Variants in CBLB observed in about 807,000 individuals in gnomAD.
CBLB encodes E3 ubiquitin-protein ligase CBL-B.
CBLB carries 31 observed loss-of-function variants against 104.9 expected under a neutral mutation model. That is an observed-to-expected ratio of 0.30 (90% confidence interval 0.22 to 0.40). CBLB has a LOEUF of 0.40. CBLB is among the 10% of genes least tolerant of loss of function. CBLB has a pLI of 1.00. For synonymous variants in CBLB, 440 were observed against 422.6 expected (o/e 1.04, Z -0.51); for missense variants, 1,062 against 1,214.6 (o/e 0.87, Z 1.87).
At chr3:105,800,679 AC>A (rs564711579) in intron 3 of CBLB, among the ~76,000 whole-genome samples, 2,340 of 151,216 alleles carry the variant, frequency 0.015, 33 homozygotes, top group Middle Eastern at 0.027. Flanking sequence ...ATATACACAA[AC>A]CCCCCCACCC....
In CBLB at chr3:105,828,530, G is replaced by A. The variant is rs572912475; in HGVS notation, c.419+24884C>T. ...TATTAAGATAGACGCCAAAATACTT[G>A]AAAGTTAAGATTATATGAAATACTA... On this transcript the variant is annotated intron_variant, in intron 3 of 18. Transcript: ENST00000394030. Among the ~76,000 whole-genome samples, 9 of 152,184 alleles carry A rather than the reference G, an allele frequency of 5.9e-5. No individual in the cohort carries two copies. The East Asian group carries it at 1.5e-3, about 26-fold the overall frequency.
At position 105,681,495 on chromosome 3, in the gene CBLB, A is replaced by C; in HGVS notation, c.2412T>G (p.Leu804=). The part of the protein sequence containing the change: ...SLNRTPSDYD[L]LIPPLGEDAF... Reference sequence around the variant, plus strand: ...GGTTTCAACCTAATGGAGGGATGAGAAGATCATAATCAGAGGGCGTCCTGT... The same window carrying C: ...GGTTTCAACCTAATGGAGGGATGAGCAGATCATAATCAGAGGGCGTCCTGT... Residue 804 remains leucine (L), a synonymous_variant, in exon 16 of 19, where the codon CTT becomes CTG. Transcript: ENST00000394030. 6.2e-7 allele frequency: 1 copy of C among 1,614,100 alleles called. No individual in the cohort carries two copies. The highest frequency in any genetic ancestry group is 8.5e-7 in the Non-Finnish European group (1 of 1,179,980).
intron 2 of CBLB, among the ~76,000 whole-genome samples, chr3:105,855,253 G>A (rs1046208535): frequency 6.6e-6 from 1 of 152,188 alleles, no homozygotes; most frequent in Non-Finnish European, 1.5e-5. Context: ...TGGGCCCCAG[G>A]GATGGGGAGG....
chr3:105,711,742 C>T (rs75906502), intron 10 of CBLB, among the ~76,000 whole-genome samples: 2 of 151,728 alleles, frequency 1.3e-5, no homozygotes, highest in Admixed American at 1.3e-4. Flanking sequence ...ATTTTTTTTT[C>T]TACTTCTTAA....
chr3:105,732,508 T>C (rs983827938), intron 9 of CBLB, among the ~76,000 whole-genome samples: 28 of 152,070 alleles, frequency 1.8e-4, no homozygotes, highest in African/African-American at 5.3e-4. Context: ...AAGAGAAGTA[T>C]AGGGATTTTG....
At chr3:105,723,381 T>G (rs752673604) in intron 9 of CBLB, among the ~76,000 whole-genome samples, 1 of 152,162 alleles carries the variant, frequency 6.6e-6, no homozygotes, top group Admixed American at 6.5e-5. Flanking sequence ...ACTCCGTCTA[T>G]TCTAAATGAC....
At chr3:105,678,714 G>C (rs1023214448) in intron 16 of CBLB, 143 bp from the exon 17 acceptor site, 61 of 884,564 alleles carry the variant, frequency 6.9e-5, no homozygotes, top group Admixed American at 2.6e-4. Context: ...CACCAACTTT[G>C]ATAATGGGAT....
At chr3:105,788,465 T>G (rs984787740) in intron 3 of CBLB, among the ~76,000 whole-genome samples, 5 of 152,026 alleles carry the variant, frequency 3.3e-5, no homozygotes, top group Admixed American at 6.6e-5. Context: ...AAAAAAAATC[T>G]CATAATGTTT....
chr3:105,799,722 A>G (rs751952483), intron 3 of CBLB, among the ~76,000 whole-genome samples: 122 of 152,246 alleles, frequency 8.0e-4, no homozygotes, highest in Non-Finnish European at 1.4e-3. Flanking sequence ...GGCATTTACA[A>G]TTCCTGCTAT....
At chr3:105,864,565 T>C (rs2092314826) in intron 2 of CBLB, among the ~76,000 whole-genome samples, 1 of 152,198 alleles carries the variant, frequency 6.6e-6, no homozygotes, top group Non-Finnish European at 1.5e-5. Flanking sequence ...TGGGATGTTT[T>C]GGGATATGCT....
chr3:105,681,376 C>T, intron 16 of CBLB, 103 bp downstream of exon 16: 1 of 1,256,490 alleles, frequency 8.0e-7, no homozygotes, highest in Non-Finnish European at 1.1e-6. Flanking sequence ...CAGGCAAATT[C>T]ACAACCCAGT....
intron 1 of CBLB, among the ~76,000 whole-genome samples, chr3:105,868,016 CTTACGCA>C (rs1370813548): frequency 6.6e-6 from 1 of 152,098 alleles, no homozygotes; most frequent in Non-Finnish European, 1.5e-5. Context: ...TTTTGGGAGC[CTTACGCA>C]GAAACTTCAC....
chr3:105,851,790 G>C (rs979107004), intron 3 of CBLB, among the ~76,000 whole-genome samples: 1 of 152,108 alleles, frequency 6.6e-6, no homozygotes, highest in Admixed American at 6.5e-5. Flanking sequence ...CATGAACCCC[G>C]TAATGACATT....
intron 2 of CBLB, among the ~76,000 whole-genome samples, chr3:105,854,867 G>C (rs536885095): frequency 1.3e-5 from 2 of 152,082 alleles, no homozygotes; most frequent in Non-Finnish European, 2.9e-5. Flanking sequence ...TCCTGACCTT[G>C]TGATCCACCC....
chr3:105,699,940 T>C (rs528558628), intron 12 of CBLB, among the ~76,000 whole-genome samples: 1 of 152,212 alleles, frequency 6.6e-6, no homozygotes, highest in East Asian at 1.9e-4. Context: ...ACCCACAATA[T>C]ATGAGATTAG....
At chr3:105,672,631 A>G (rs1316458860) in intron 17 of CBLB, 1 of 152,830 alleles carries the variant, frequency 6.5e-6, no homozygotes, top group East Asian at 1.9e-4. Context: ...AACTGAAATG[A>G]TCACAGCCAA....
Position 105,737,267 on chromosome 3 carries a change from A to G in CBLB, c.984-9T>C. The G allele has an allele frequency of 7.2e-7, 1 of 1,396,182 alleles. No homozygotes were observed. The highest frequency in any genetic ancestry group is 1.0e-6 in the Non-Finnish European group (1 of 991,512). The allele number at this position is 1,396,182 out of a possible 1,614,324, so 86.5% of individuals were successfully genotyped here. A position where few individuals can be genotyped will look rare whatever the true frequency, so the allele number is the denominator to read the frequency against. On this transcript the variant is annotated splice_polypyrimidine_tract_variant and intron_variant, in intron 7 of 18. Transcript: ENST00000394030. ...CATCAGGATAAAGATAACTGAATTT[A>G]AACAGAAACTTTATTACCTTAAATA...
intron 3 of CBLB, among the ~76,000 whole-genome samples, chr3:105,810,667 T>C (rs1260296002): frequency 6.6e-6 from 1 of 152,138 alleles, no homozygotes; most frequent in Admixed American, 6.5e-5. Flanking sequence ...GAAAATAATT[T>C]ATAGTTCTGT....
intron 3 of CBLB, among the ~76,000 whole-genome samples, chr3:105,851,118 T>C (rs879784319): frequency 4.6e-5 from 7 of 152,060 alleles, no homozygotes; most frequent in Non-Finnish European, 1.0e-4. Context: ...ACCCAAAAAA[T>C]GGAAGCAACC....
Sources: allele counts gnomAD v4.1 joint callset (sites outside exome capture counted in the v4.1 genomes callset), GRCh38; gene constraint gnomAD v4.1.1; transcripts MANE v1.5; gene names NCBI Gene and HGNC (gene_info 2026-07-23, HGNC 2026-07-21).